MAN1C1: variants seen among roughly 807,000 people sequenced by gnomAD.
MAN1C1 encodes the protein mannosyl-oligosaccharide 1,2-alpha-mannosidase IC.
MAN1C1 carries 49 observed loss-of-function variants against 71.5 expected under a neutral mutation model. That is an observed-to-expected ratio of 0.69 (90% CI 0.54 to 0.87). The LOEUF (loss-of-function observed/expected upper bound fraction) is 0.87, where lower values mean the gene tolerates loss of function less well. Ranked by LOEUF, MAN1C1 falls within the 40% of genes least tolerant of loss-of-function variation. The pLI, the probability that MAN1C1 is intolerant of heterozygous loss-of-function variation, is 0.00. For missense variants in MAN1C1, 743 were observed against 835.0 expected (o/e 0.89, Z 1.36); for synonymous variants, 352 against 343.7 (o/e 1.02, Z -0.27).
intron 1 of MAN1C1, among the ~76,000 whole-genome samples, chr1:25,636,728 G>A: frequency 6.6e-6 from 1 of 152,236 alleles, no homozygotes; most frequent in Non-Finnish European, 1.5e-5. Context: ...ACGGGATTAA[G>A]AGATTAAAGT....
chr1:25,666,615 A>C (rs1476508991), intron 1 of MAN1C1, among the ~76,000 whole-genome samples: 1 of 151,516 alleles, frequency 6.6e-6, no homozygotes, highest in South Asian at 2.1e-4. Flanking sequence ...AAAGGACCCC[A>C]CTCCCCCCAC....
chr1:25,720,196 A>G (rs1418291734), intron 2 of MAN1C1, among the ~76,000 whole-genome samples: 1 of 150,382 alleles, frequency 6.6e-6, no homozygotes, highest in Non-Finnish European at 1.5e-5. Context: ...TCAAATATAT[A>G]TTCAAATCCT....
intron 1 of MAN1C1, among the ~76,000 whole-genome samples, chr1:25,658,333 C>G (rs1455653757): frequency 6.6e-6 from 1 of 152,156 alleles, no homozygotes; most frequent in African/African-American, 2.4e-5. Context: ...CTTGGTTATC[C>G]CAAACCATAG....
intron 1 of MAN1C1, among the ~76,000 whole-genome samples, chr1:25,656,442 G>T (rs542892099): frequency 2.8e-4 from 42 of 152,242 alleles, no homozygotes; most frequent in African/African-American, 9.9e-4. Context: ...AGGCTACGGA[G>T]ACATTTGGCG....
rs2047654030 is a variant in MAN1C1, at chr1:25,778,704, G to C, written c.1477+380G>C. The stretch of plus-strand genomic sequence containing the variant: ...CGGCGGCTTCCTGAGCCCGGCACAT[G>C]TCCCACCCTGAGTCTCCTACTTTCA... On this transcript the variant is annotated intron_variant, in intron 9 of 11. Transcript: ENST00000374332. This position sits in a 1 kb window ranked among gnomAD's most constrained non-coding sequence, Gnocchi z 5.5. 1.3e-5 allele frequency among the ~76,000 whole-genome samples: 2 copies of C among 152,140 alleles called. No homozygotes were observed. Among genetic ancestry groups the C allele is most frequent in the African/African-American group, 4.8e-5 (2 of 41,420 alleles).
intron 1 of MAN1C1, among the ~76,000 whole-genome samples, chr1:25,661,555 A>G (rs2045849589): frequency 1.3e-5 from 2 of 152,192 alleles, no homozygotes; most frequent in Non-Finnish European, 2.9e-5. Context: ...TTTCAACCTC[A>G]CACCAAAGGA....
chr1:25,758,778 AGAGGC>A, intron 6 of MAN1C1, 69 bp downstream of exon 6: 9 of 1,367,186 alleles, frequency 6.6e-6, no homozygotes, highest in Non-Finnish European at 9.4e-6. Flanking sequence ...CAGGGTTTTC[AGAGGC>A]GAGTGGGTCC....
In MAN1C1 at chr1:25,781,795, A is replaced by AC. The variant is rs532425636; in HGVS notation, c.1650+685dup. Among the ~76,000 whole-genome samples the AC allele has an allele frequency of 1.3e-3, 198 of 151,734 alleles. No individual in the cohort carries two copies. In the East Asian group the frequency reaches 0.016, roughly 12 times the overall value. Reference sequence around the variant, plus strand: ...TGTTAAGTCCACCTGCTTCCCCAGGACCATTGTTCTTGGCCTTCAAAGGCC... The same window carrying AC: ...TGTTAAGTCCACCTGCTTCCCCAGGACCCATTGTTCTTGGCCTTCAAAGGCC... On this transcript the variant is annotated intron_variant, in intron 10 of 11. Coordinates refer to ENST00000374332, the MANE Select transcript of MAN1C1 (RefSeq NM_020379.4).
chr1:25,748,904 G>A (rs1343159492), intron 3 of MAN1C1, among the ~76,000 whole-genome samples: 1 of 152,162 alleles, frequency 6.6e-6, no homozygotes, highest in Non-Finnish European at 1.5e-5. Flanking sequence ...AAGTAGCCTG[G>A]CCAGAGTGGG....
intron 1 of MAN1C1, among the ~76,000 whole-genome samples, chr1:25,675,591 G>GA (rs1557760039): frequency 1.4e-5 from 2 of 143,604 alleles, no homozygotes; most frequent in African/African-American, 5.1e-5. Flanking sequence ...TTGCGGGGGG[G>GA]GGGGGAGGTG....
chr1:25,699,305 T>TAAA (rs778292367), intron 2 of MAN1C1, among the ~76,000 whole-genome samples: 1 of 124,202 alleles, frequency 8.1e-6, no homozygotes, highest in Non-Finnish European at 1.8e-5. Context: ...CATCTTAAAT[T>TAAA]AAAAAAAAAA....
chr1:25,717,800 G>A (rs964278071), intron 2 of MAN1C1, among the ~76,000 whole-genome samples: 2 of 152,132 alleles, frequency 1.3e-5, no homozygotes, highest in South Asian at 4.2e-4. Flanking sequence ...CCAACCTCAG[G>A]TGATCTGCCC....
chr1:25,757,500 CGGGGG>C lies in MAN1C1; in HGVS notation c.930-1084_930-1080del, dbSNP rs4018193. The stretch of plus-strand genomic sequence containing the variant: ...TGATACATATGAGGAAACTGAGGCA[CGGGGG>C]GGGGGGGCAGCTTGCCCAGAACCAC... On this transcript the variant is annotated intron_variant, in intron 5 of 11. Coordinates refer to ENST00000374332, the MANE Select transcript of MAN1C1 (RefSeq NM_020379.4). Among the ~76,000 whole-genome samples the C allele has an allele frequency of 3.4e-3, 519 of 150,684 alleles. 5 individuals carry two copies. Among genetic ancestry groups the C allele is most frequent in the African/African-American group, 0.011 (474 of 41,330 alleles).
intron 8 of MAN1C1, among the ~76,000 whole-genome samples, chr1:25,773,673 A>G (rs3754148): frequency 0.097 from 14,784 of 152,292 alleles, 913 homozygotes; most frequent in East Asian, 0.23. Flanking sequence ...CCCTGCCCTC[A>G]GGGCACACAG....
intron 2 of MAN1C1, among the ~76,000 whole-genome samples, chr1:25,722,420 G>A (rs924868394): frequency 2.6e-5 from 4 of 152,072 alleles, no homozygotes; most frequent in Admixed American, 2.0e-4. Flanking sequence ...TCCCTGAGCT[G>A]GTCCTCCAAT....
Position 25,783,705 on chromosome 1 carries a change from G to A in MAN1C1, c.1809G>A (p.Leu603=). 6.2e-7 allele frequency: 1 copy of A among 1,613,370 alleles called. No individual in the cohort carries two copies. The part of the protein sequence containing the change: ...LLFSEDDLLS[L]EDWVFNTEAH... Reference sequence around the variant, plus strand: ...TCTCTGAAGATGACTTGCTCTCCCTGGAAGACTGGGTGTTCAACACCGAGG... The same window carrying A: ...TCTCTGAAGATGACTTGCTCTCCCTAGAAGACTGGGTGTTCAACACCGAGG... Residue 603 remains leucine (L), a synonymous_variant, in exon 12 of 12, where the codon CTG becomes CTA. Coordinates refer to ENST00000374332, the MANE Select transcript of MAN1C1 (RefSeq NM_020379.4).
intron 1 of MAN1C1, among the ~76,000 whole-genome samples, chr1:25,667,350 G>A (rs2045937877): frequency 6.6e-6 from 1 of 151,874 alleles, no homozygotes; most frequent in African/African-American, 2.4e-5. Context: ...CAGGCGTGGT[G>A]GCAGGTGCCT....
At chr1:25,676,793 G>A (rs1043975953) in intron 1 of MAN1C1, among the ~76,000 whole-genome samples, 1 of 152,190 alleles carries the variant, frequency 6.6e-6, no homozygotes, top group Admixed American at 6.5e-5. Flanking sequence ...GCCAGAGCCA[G>A]CCTTGTGTGT....
In MAN1C1 at chr1:25,687,795, A is replaced by G. The variant is rs11247598; in HGVS notation, c.637+1259A>G. 8.4e-3 allele frequency among the ~76,000 whole-genome samples: 1,270 copies of G among 152,082 alleles called. 17 individuals are homozygous for G. The highest frequency in any genetic ancestry group is 0.029 in the African/African-American group (1,184 of 41,478). ...ATTTTTCTCATTATCCTAGGAGTGTATGGGGGAAAAGGAAAGTATCAAAAA... is the reference window on the plus strand; with the variant it reads ...ATTTTTCTCATTATCCTAGGAGTGTGTGGGGGAAAAGGAAAGTATCAAAAA... On this transcript the variant is annotated intron_variant, in intron 2 of 11. Transcript: ENST00000374332.
Sources: allele counts gnomAD v4.1 joint callset (sites outside exome capture counted in the v4.1 genomes callset), GRCh38; gene constraint gnomAD v4.1.1; non-coding constraint Gnocchi (gnomAD v3.1); transcripts MANE v1.5; gene names NCBI Gene and HGNC (gene_info 2026-07-23, HGNC 2026-07-21).